The following CALN1 variants were observed in gnomAD, a reference collection of about 807,000 sequenced individuals.
The protein encoded by CALN1 is calneuron 1.
Under a neutral mutation model 30.6 loss-of-function variants are expected in CALN1, and 17 were observed. The ratio of observed to expected loss-of-function variants is 0.56; its 90% CI spans 0.38 to 0.83. The LOEUF is 0.83. CALN1 is among the 40% of genes least tolerant of loss of function. The pLI, the probability that CALN1 is intolerant of heterozygous loss-of-function variation, is 0.00. For missense variants in CALN1, 291 were observed against 354.9 expected, an observed-to-expected ratio of 0.82 and a Z score of 1.45; for synonymous variants, 156 against 131.4, an observed-to-expected ratio of 1.19 and a Z score of -1.28.
intron 3 of CALN1, among the ~76,000 whole-genome samples, chr7:72,214,145 C>A (rs916607416): frequency 6.6e-6 from 1 of 152,210 alleles, no homozygotes; most frequent in Non-Finnish European, 1.5e-5. Context: ...TGTTTACCAC[C>A]ATAACTATTG....
intron 5 of CALN1, among the ~76,000 whole-genome samples, chr7:71,879,299 TG>T (rs1792430972): frequency 1.3e-5 from 2 of 152,164 alleles, no homozygotes; most frequent in African/African-American, 2.4e-5. Context: ...CTCCAGATTT[TG>T]GGGGCTACTA....
chr7:72,196,148 T>G (rs1226533590), intron 3 of CALN1, among the ~76,000 whole-genome samples: 1 of 152,074 alleles, frequency 6.6e-6, no homozygotes, highest in African/African-American at 2.4e-5. Context: ...GGTCTCGCTT[T>G]GTCACCCAGG....
chr7:71,825,894 G>C (rs535213063), intron 5 of CALN1, among the ~76,000 whole-genome samples: 28 of 151,786 alleles, frequency 1.8e-4, no homozygotes, highest in Admixed American at 5.9e-4. Flanking sequence ...TTAGCCGGGC[G>C]TGGTGGCAGG....
chr7:72,299,303 T>G (rs113930914), intron 2 of CALN1, among the ~76,000 whole-genome samples: 2 of 152,192 alleles, frequency 1.3e-5, no homozygotes, highest in Non-Finnish European at 2.9e-5. Context: ...AAGCCCATTA[T>G]GTCCACTATT....
At chr7:72,259,324 T>C (rs908397348) in intron 3 of CALN1, among the ~76,000 whole-genome samples, 3 of 151,966 alleles carry the variant, frequency 2.0e-5, no homozygotes, top group Non-Finnish European at 2.9e-5. Context: ...GTCCCAGAAA[T>C]CAATATGCAA....
intron 3 of CALN1, among the ~76,000 whole-genome samples, chr7:72,135,422 G>A (rs1239200284): frequency 6.6e-6 from 1 of 152,164 alleles, no homozygotes; most frequent in Non-Finnish European, 1.5e-5. Flanking sequence ...ATGGGCTGCA[G>A]AACGGATGCT....
At chr7:72,386,390 T>C (rs776443099) in intron 2 of CALN1, among the ~76,000 whole-genome samples, 3 of 152,206 alleles carry the variant, frequency 2.0e-5, no homozygotes, top group Non-Finnish European at 4.4e-5. Context: ...GGCTGGGTTC[T>C]AGAAAACTCA....
At chr7:72,366,268 G>A (rs1803872845) in intron 2 of CALN1, among the ~76,000 whole-genome samples, 1 of 151,972 alleles carries the variant, frequency 6.6e-6, no homozygotes, top group Non-Finnish European at 1.5e-5. Flanking sequence ...CCACCTCCCA[G>A]GTTCAAGTGA....
At chr7:71,853,875 C>A (rs781231295) in intron 5 of CALN1, among the ~76,000 whole-genome samples, 20 of 152,134 alleles carry the variant, frequency 1.3e-4, no homozygotes, top group Non-Finnish European at 2.5e-4. Flanking sequence ...CAACTGCGCC[C>A]AGCCTGAAGT....
chr7:71,949,584 T>C (rs775617037), intron 5 of CALN1, among the ~76,000 whole-genome samples: 4 of 151,808 alleles, frequency 2.6e-5, no homozygotes, highest in Admixed American at 6.6e-5. Context: ...TTCACCATGT[T>C]GGCCAGGGTG....
At chr7:71,950,479 T>A (rs1796634303) in intron 5 of CALN1, among the ~76,000 whole-genome samples, 1 of 152,164 alleles carries the variant, frequency 6.6e-6, no homozygotes. Context: ...ACCCCATTCC[T>A]ATGACCAATC....
chr7:72,408,465 GATA>G (rs1806857333), intron 1 of CALN1, among the ~76,000 whole-genome samples: 1 of 151,646 alleles, frequency 6.6e-6, no homozygotes, highest in Non-Finnish European at 1.5e-5. Context: ...CACACACAGA[GATA>G]ATAAAGACAA....
At chr7:72,152,331 G>A (rs577072173) in intron 3 of CALN1, among the ~76,000 whole-genome samples, 1 of 152,314 alleles carries the variant, frequency 6.6e-6, no homozygotes, top group East Asian at 1.9e-4. Context: ...CAAGATGACT[G>A]TGGCTTCAAG....
intron 3 of CALN1, among the ~76,000 whole-genome samples, chr7:72,202,762 A>G (rs1791531863): frequency 6.6e-6 from 1 of 152,188 alleles, no homozygotes; most frequent in African/African-American, 2.4e-5. Flanking sequence ...TAAGAAAAAT[A>G]TCACCTTAGT....
At chr7:72,264,828 T>TC (rs1311910880) in intron 3 of CALN1, among the ~76,000 whole-genome samples, 12 of 152,252 alleles carry the variant, frequency 7.9e-5, no homozygotes, top group Admixed American at 7.9e-4. Flanking sequence ...ATCCTCTCCC[T>TC]CCTCCTACCT....
At chr7:72,487,734 A>AAAGAAAGAAAGAAAGAAAGGAAGG in the CALN1 span, among the ~76,000 whole-genome samples, 2 of 56,622 alleles carry the variant, frequency 3.5e-5, no homozygotes, top group African/African-American at 2.2e-4. Flanking sequence ...AGAAAGAAAG[A>AAAGAAAGAAAGAAAGAAAGGAAGG]AAGGAAGGAA....
chr7:72,362,114 C>T (rs118081724), intron 2 of CALN1, among the ~76,000 whole-genome samples: 2,128 of 152,156 alleles, frequency 0.014, 22 homozygotes, highest in African/African-American at 0.024. Context: ...TAACAGAATA[C>T]AGTATATGAC....
the CALN1 span, among the ~76,000 whole-genome samples, chr7:72,492,788 G>A: frequency 1.3e-5 from 2 of 152,162 alleles, no homozygotes; most frequent in South Asian, 4.1e-4. Context: ...ACTGGCTGCC[G>A]AGCACCGGAA....
At chr7:72,347,424 G>A (rs547033399) in intron 2 of CALN1, among the ~76,000 whole-genome samples, 1 of 151,892 alleles carries the variant, frequency 6.6e-6, no homozygotes, top group South Asian at 2.1e-4. Context: ...GTGCCATCAT[G>A]CCTGGCTAAT....
Sources: gnomAD v4.1 joint callset for allele counts (sites outside exome capture counted in the v4.1 genomes callset) on GRCh38, gnomAD v4.1.1 for gene constraint, MANE v1.5 for transcripts, NCBI Gene and HGNC (gene_info 2026-07-23, HGNC 2026-07-21) for gene names.